Variants in CAMK2D observed in about 807,000 individuals in gnomAD.
The protein encoded by CAMK2D is calcium/calmodulin-dependent protein kinase type II subunit delta.
CAMK2D carries 37 observed loss-of-function variants against 84.0 expected under a neutral mutation model. That is an observed-to-expected ratio of 0.44 (90% confidence interval 0.34 to 0.58). The LOEUF (loss-of-function observed/expected upper bound fraction) is 0.58. Among genes scored for constraint, CAMK2D ranks in the 20% least tolerant of loss-of-function variants. The pLI, the probability that CAMK2D is intolerant of heterozygous loss-of-function variation, is 0.02. For synonymous variants in CAMK2D, 202 were observed against 212.5 expected, an observed-to-expected ratio of 0.95 and a Z score of 0.43; for missense variants, 448 against 652.5, an observed-to-expected ratio of 0.69 and a Z score of 3.41.
chr4:113,573,663 A>T (rs1449131293), intron 4 of CAMK2D, among the ~76,000 whole-genome samples: 1 of 152,252 alleles, frequency 6.6e-6, no homozygotes, highest in East Asian at 1.9e-4. Flanking sequence ...GAGGCTTTAT[A>T]AAACTACTTC....
At chr4:113,530,186 T>A (rs1052101898) in intron 8 of CAMK2D, among the ~76,000 whole-genome samples, 2 of 152,226 alleles carry the variant, frequency 1.3e-5, no homozygotes, top group African/African-American at 4.8e-5. Context: ...TTGGATTTTT[T>A]CAGATTTTGT....
At chr4:113,548,102 T>C (rs942233566) in intron 5 of CAMK2D, among the ~76,000 whole-genome samples, 3 of 152,224 alleles carry the variant, frequency 2.0e-5, no homozygotes. Context: ...TTTTCCAGTA[T>C]TGTTCTAAAA....
intron 4 of CAMK2D, among the ~76,000 whole-genome samples, chr4:113,591,580 C>A (rs1332929389): frequency 6.6e-6 from 1 of 152,172 alleles, no homozygotes; most frequent in Non-Finnish European, 1.5e-5. Flanking sequence ...CCCCTTAACT[C>A]TATTTTAAAA....
intron 3 of CAMK2D, among the ~76,000 whole-genome samples, chr4:113,615,320 AAT>A (rs1293000065): frequency 6.6e-6 from 1 of 152,048 alleles, no homozygotes; most frequent in Non-Finnish European, 1.5e-5. Context: ...CACTTTTTTC[AAT>A]ATTACATTAA....
chr4:113,487,428 C>T (rs2097776230), intron 16 of CAMK2D, among the ~76,000 whole-genome samples: 1 of 152,008 alleles, frequency 6.6e-6, no homozygotes, highest in African/African-American at 2.4e-5. Flanking sequence ...GACATTATTT[C>T]ACTCAAGCAA....
At chr4:113,515,892 A>G (rs1419399395) in intron 9 of CAMK2D, among the ~76,000 whole-genome samples, 1 of 152,222 alleles carries the variant, frequency 6.6e-6, no homozygotes, top group Non-Finnish European at 1.5e-5. Context: ...TATTAAGACT[A>G]TATAAGAAAG....
intron 3 of CAMK2D, among the ~76,000 whole-genome samples, chr4:113,659,184 A>G (rs1432457839): frequency 2.0e-5 from 3 of 152,216 alleles, no homozygotes; most frequent in Non-Finnish European, 4.4e-5. Context: ...ACAAAAATTG[A>G]GTTTCATAGG....
chr4:113,626,496 A>AC (rs2099068833), intron 3 of CAMK2D, among the ~76,000 whole-genome samples: 2 of 152,316 alleles, frequency 1.3e-5, no homozygotes, highest in South Asian at 4.1e-4. Context: ...TAAAGTTGAT[A>AC]CATTTGTTAT....
intron 9 of CAMK2D, among the ~76,000 whole-genome samples, 168 bp from the exon 10 acceptor site, chr4:113,515,359 T>G (rs1215875074): frequency 6.6e-6 from 1 of 152,114 alleles, no homozygotes; most frequent in East Asian, 1.9e-4. Flanking sequence ...AGATCTATTC[T>G]CCCCCTCTAT....
chr4:113,505,208 G>A (rs2098114129), intron 13 of CAMK2D, among the ~76,000 whole-genome samples, 173 bp from the exon 14 acceptor site: 2 of 152,108 alleles, frequency 1.3e-5, no homozygotes, highest in South Asian at 4.1e-4. Context: ...GTCTCCGATG[G>A]TCACACACAG....
intron 4 of CAMK2D, among the ~76,000 whole-genome samples, chr4:113,585,366 C>G (rs1270979527): frequency 6.6e-6 from 1 of 152,078 alleles, no homozygotes; most frequent in East Asian, 1.9e-4. Flanking sequence ...GTTGTCCTTC[C>G]CCAGCCTCAT....
Position 113,647,652 on chromosome 4 carries a change from G to A in CAMK2D, c.220+14061C>T, listed in dbSNP as rs574063713. On this transcript the variant is annotated intron_variant, in intron 3 of 20. Coordinates refer to ENST00000511664, the MANE Select transcript of CAMK2D (RefSeq NM_001321571.2). ...AAAATGTTTCTACACATTGTCAAAT[G>A]TCTCCGGAAGGAAGAGAGAGTAGAG... Among the ~76,000 whole-genome samples, 28 of 152,346 alleles carry A rather than the reference G, an allele frequency of 1.8e-4. 1 individual carries two copies. Among genetic ancestry groups the A allele is most frequent in the African/African-American group, 6.7e-4 (28 of 41,590 alleles).
At chr4:113,579,599 G>T (rs2098799001) in intron 4 of CAMK2D, among the ~76,000 whole-genome samples, 1 of 152,082 alleles carries the variant, frequency 6.6e-6, no homozygotes, top group African/African-American at 2.4e-5. Flanking sequence ...CTTGCCATGT[G>T]ACACTGCCTG....
At chr4:113,522,788 G>A (rs2098379070) in intron 8 of CAMK2D, among the ~76,000 whole-genome samples, 1 of 152,176 alleles carries the variant, frequency 6.6e-6, no homozygotes, top group Non-Finnish European at 1.5e-5. Flanking sequence ...AAATTATAAA[G>A]ATAAATAATT....
rs747974925 is a variant in CAMK2D, at chr4:113,613,898, G to A, written c.221-4692C>T. Among the ~76,000 whole-genome samples, 29 of 149,786 alleles carry A rather than the reference G, an allele frequency of 1.9e-4. 1 individual carries two copies. Among genetic ancestry groups the A allele is most frequent in the Admixed American group, 1.1e-3 (17 of 14,996 alleles). On this transcript the variant is annotated intron_variant, in intron 3 of 20. Transcript: ENST00000511664. Reference sequence around the variant, plus strand: ...TGTGTGTGTGCGAGAGAGAGCGAGCGAGAGAGAGAGAGAGGAAGTGGAAAT... The same window carrying A: ...TGTGTGTGTGCGAGAGAGAGCGAGCAAGAGAGAGAGAGAGGAAGTGGAAAT...
At chr4:113,634,377 G>C (rs2099101939) in intron 3 of CAMK2D, among the ~76,000 whole-genome samples, 1 of 152,162 alleles carries the variant, frequency 6.6e-6, no homozygotes, top group South Asian at 2.1e-4. Context: ...TCAAAGCAAA[G>C]ACAGAATTGG....
chr4:113,686,152 C>T (rs1436794727), intron 2 of CAMK2D, among the ~76,000 whole-genome samples: 1 of 151,830 alleles, frequency 6.6e-6, no homozygotes, highest in Non-Finnish European at 1.5e-5. Flanking sequence ...AAGATATCTG[C>T]TATTAAAACT....
At chr4:113,462,298 GTCTGTC>G (rs1564402971) in intron 17 of CAMK2D, among the ~76,000 whole-genome samples, 5,656 of 113,302 alleles carry the variant, frequency 0.05, 158 homozygotes, top group Non-Finnish European at 0.074. Flanking sequence ...GTGTGTGTCT[GTCTGTC>G]TGTCTGTCTG....
Position 113,451,190 on chromosome 4 carries a change from A to G in CAMK2D, c.*3355T>C, listed in dbSNP as rs1022420036. ...TTAGAATATACTGATTTGCTACTAC[A>G]TTTCATTTTTCCTACATTCAGCTAG... On this transcript the variant is annotated 3_prime_UTR_variant, in exon 21 of 21. Transcript: ENST00000511664. 6 of 152,082 alleles carry G rather than the reference A, an allele frequency of 3.9e-5. No homozygotes were observed. Among genetic ancestry groups the G allele is most frequent in the Admixed American group, 2.6e-4 (4 of 15,262 alleles). 9.4% of individuals were successfully genotyped at this position (152,082 alleles called of 1,614,324 possible). A position where few individuals can be genotyped will look rare whatever the true frequency, so the allele number is the denominator to read the frequency against.
Sources: allele counts gnomAD v4.1 joint callset (sites outside exome capture counted in the v4.1 genomes callset), GRCh38; gene constraint gnomAD v4.1.1; transcripts MANE v1.5; gene names NCBI Gene and HGNC (gene_info 2026-07-23, HGNC 2026-07-21).